ASIC2: variants seen among roughly 807,000 people sequenced by gnomAD.
The protein encoded by ASIC2 is acid-sensing ion channel 2.
ASIC2 carries 25 observed loss-of-function variants against 57.3 expected under a neutral mutation model. The ratio of observed to expected loss-of-function variants is 0.44; its 90% CI spans 0.32 to 0.61. ASIC2 has a LOEUF of 0.61. ASIC2 is among the 20% of genes least tolerant of loss of function. The pLI is 0.06. For missense variants in ASIC2, 641 were observed against 738.1 expected (o/e 0.87, Z 1.52); for synonymous variants, 319 against 307.5 (o/e 1.04, Z -0.39).
chr17:33,060,669 T>G (rs1170122068), intron 3 of ASIC2, among the ~76,000 whole-genome samples: 2 of 152,184 alleles, frequency 1.3e-5, no homozygotes. Context: ...CATATGAACT[T>G]TAAAGTAGTT....
At chr17:33,466,492 C>G (rs759725113) in intron 1 of ASIC2, among the ~76,000 whole-genome samples, 19 of 152,084 alleles carry the variant, frequency 1.2e-4, no homozygotes, top group South Asian at 4.1e-4. Flanking sequence ...AAAAAAAAAC[C>G]TACTTTCAAG....
In ASIC2 at chr17:33,423,059, G is replaced by T. The variant is rs114610537; in HGVS notation, c.556-310992C>A. The stretch of plus-strand genomic sequence containing the variant: ...CTGTAGTGGGGAGGTGGTGGTGGGA[G>T]TGGGTCACCCTTCAGATATCACACT... On this transcript the variant is annotated intron_variant, in intron 1 of 9. Transcript: ENST00000359872. Among the ~76,000 whole-genome samples the T allele has an allele frequency of 3.5e-3, 530 of 152,292 alleles. 2 individuals carry two copies. The highest frequency in any genetic ancestry group is 0.012 in the African/African-American group (505 of 41,560).
chr17:33,153,221 C>T (rs570607153), intron 1 of ASIC2, among the ~76,000 whole-genome samples: 9 of 152,364 alleles, frequency 5.9e-5, no homozygotes, highest in Admixed American at 5.9e-4. Context: ...GCACCCAGGG[C>T]CCCCAGTGTG....
At chr17:33,666,485 G>C (rs567860255) in intron 1 of ASIC2, among the ~76,000 whole-genome samples, 2 of 152,184 alleles carry the variant, frequency 1.3e-5, no homozygotes, top group African/African-American at 4.8e-5. Context: ...AAAGCCCCCA[G>C]AGGGTGACTC....
At chr17:33,977,899 G>GCAC (rs1173175763) in intron 1 of ASIC2, among the ~76,000 whole-genome samples, 1 of 152,228 alleles carries the variant, frequency 6.6e-6, no homozygotes. Flanking sequence ...GGCCCTGAAA[G>GCAC]CACGGTGTCT....
chr17:33,522,808 C>T (rs1289886564), intron 1 of ASIC2, among the ~76,000 whole-genome samples: 2 of 152,348 alleles, frequency 1.3e-5, no homozygotes, highest in East Asian at 3.9e-4. Context: ...AGCGCCACCT[C>T]CAGTGCAGAC....
chr17:33,395,143 C>T (rs887093553), intron 1 of ASIC2, among the ~76,000 whole-genome samples: 2 of 151,556 alleles, frequency 1.3e-5, no homozygotes, highest in African/African-American at 2.4e-5. Flanking sequence ...TCCACACATT[C>T]CCCCCCACCC....
At chr17:33,115,345 A>G (rs1204224458) in intron 1 of ASIC2, among the ~76,000 whole-genome samples, 4 of 152,118 alleles carry the variant, frequency 2.6e-5, no homozygotes, top group African/African-American at 7.2e-5. Flanking sequence ...TAAATTTTTT[A>G]TCAAGTCAAG....
chr17:33,082,679 A>G (rs113177085), intron 3 of ASIC2, among the ~76,000 whole-genome samples: 16,211 of 151,398 alleles, frequency 0.11, 1,073 homozygotes, highest in Non-Finnish European at 0.15. Flanking sequence ...ACCCTGGGCG[A>G]CAGAGTGAGA....
At chr17:33,505,396 A>T (rs568575237) in intron 1 of ASIC2, among the ~76,000 whole-genome samples, 1 of 152,088 alleles carries the variant, frequency 6.6e-6, no homozygotes, top group East Asian at 1.9e-4. Context: ...GCTACCATAC[A>T]ACTATCTTGC....
intron 1 of ASIC2, among the ~76,000 whole-genome samples, chr17:34,140,995 T>C (rs1912257242): frequency 6.6e-6 from 1 of 152,140 alleles, no homozygotes; most frequent in Admixed American, 6.5e-5. Flanking sequence ...ACACTATCAG[T>C]ATTAGGACAA....
intron 1 of ASIC2, among the ~76,000 whole-genome samples, chr17:33,580,941 A>G (rs1456908510): frequency 1.3e-5 from 2 of 152,202 alleles, no homozygotes; most frequent in African/African-American, 4.8e-5. Context: ...TTTATGCGGT[A>G]GGCAAAATTT....
chr17:33,867,873 C>G (rs1011206636), intron 1 of ASIC2, among the ~76,000 whole-genome samples: 2 of 152,208 alleles, frequency 1.3e-5, no homozygotes, highest in African/African-American at 4.8e-5. Context: ...AGAGATACAG[C>G]ACTGCTGTCA....
At chr17:33,841,081 C>T (rs968466756) in intron 1 of ASIC2, among the ~76,000 whole-genome samples, 1 of 152,164 alleles carries the variant, frequency 6.6e-6, no homozygotes, top group African/African-American at 2.4e-5. Flanking sequence ...CTGTGAGACA[C>T]AATCCTTTTC....
At chr17:33,015,503 A>G (rs1032112718) in intron 9 of ASIC2, among the ~76,000 whole-genome samples, 1 of 152,196 alleles carries the variant, frequency 6.6e-6, no homozygotes, top group South Asian at 2.1e-4. Context: ...CGTACCAGGC[A>G]TACAATAGTC....
intron 1 of ASIC2, among the ~76,000 whole-genome samples, chr17:33,359,593 T>C (rs1160411334): frequency 6.6e-6 from 1 of 152,222 alleles, no homozygotes; most frequent in Non-Finnish European, 1.5e-5. Flanking sequence ...AGAACTTAAT[T>C]ATCATCCATG....
intron 1 of ASIC2, among the ~76,000 whole-genome samples, chr17:33,546,462 G>T (rs1915582156): frequency 6.6e-6 from 1 of 152,134 alleles, no homozygotes; most frequent in African/African-American, 2.4e-5. Flanking sequence ...AGGCACCCGA[G>T]TATGATGAAA....
intron 1 of ASIC2, among the ~76,000 whole-genome samples, chr17:33,888,626 G>A (rs146290724): frequency 1.3e-5 from 2 of 152,204 alleles, no homozygotes; most frequent in East Asian, 3.9e-4. Flanking sequence ...GACTGCTTTA[G>A]AAGAACCCAG....
chr17:34,062,110 C>T (rs1285075017), intron 1 of ASIC2, among the ~76,000 whole-genome samples: 1 of 151,966 alleles, frequency 6.6e-6, no homozygotes, highest in African/African-American at 2.4e-5. Flanking sequence ...CCAAGATAGA[C>T]CATATAATAG....
Sources: gnomAD v4.1 joint callset for allele counts (sites outside exome capture counted in the v4.1 genomes callset) on GRCh38, gnomAD v4.1.1 for gene constraint, MANE v1.5 for transcripts, NCBI Gene and HGNC (gene_info 2026-07-23, HGNC 2026-07-21) for gene names.